CYTH3: variants seen among roughly 807,000 people sequenced by gnomAD.
The protein encoded by CYTH3 is cytohesin-3.
CYTH3 carries 23 observed loss-of-function variants against 55.1 expected under a neutral mutation model. The ratio of observed to expected loss-of-function variants is 0.42; its 90% CI spans 0.30 to 0.59. CYTH3 has a LOEUF of 0.59. Among genes scored for constraint, CYTH3 ranks in the 20% least tolerant of loss-of-function variants. The pLI is 0.20. For synonymous variants in CYTH3, 249 were observed against 194.9 expected, an observed-to-expected ratio of 1.28 and a Z score of -2.31; for missense variants, 413 against 524.8, an observed-to-expected ratio of 0.79 and a Z score of 2.08.
chr7:6,181,712 C>G (rs1783507068), intron 4 of CYTH3, among the ~76,000 whole-genome samples: 1 of 152,144 alleles, frequency 6.6e-6, no homozygotes, highest in Non-Finnish European at 1.5e-5. Context: ...CCTCCACTTT[C>G]CATTCTCTCC....
chr7:6,271,124 T>A (rs1418083972), intron 1 of CYTH3, among the ~76,000 whole-genome samples: 2 of 151,550 alleles, frequency 1.3e-5, no homozygotes, highest in African/African-American at 4.9e-5. Context: ...TGTAGGAGGG[T>A]TCGCAACTGG....
chr7:6,268,324 C>T (rs1422895542), intron 1 of CYTH3, among the ~76,000 whole-genome samples: 3 of 152,126 alleles, frequency 2.0e-5, no homozygotes, highest in Admixed American at 6.5e-5. Flanking sequence ...CGCACCACCA[C>T]TCCCGGCTAA....
At chr7:6,272,344 G>T (rs1653467672) in intron 1 of CYTH3, 130 bp downstream of exon 1, 1 of 877,994 alleles carries the variant, frequency 1.1e-6, no homozygotes, top group South Asian at 4.7e-5. Flanking sequence ...GGCCTCCAGC[G>T]GACGCCGCTG....
chr7:6,187,597 A>G (rs969382923), intron 3 of CYTH3, 60 bp downstream of exon 3: 27 of 1,466,164 alleles, frequency 1.8e-5, no homozygotes, highest in Middle Eastern at 1.7e-4. Context: ...AAGTTTGACT[A>G]CAGGATGGAG....
At chr7:6,234,560 G>A (rs1484568877) in intron 1 of CYTH3, among the ~76,000 whole-genome samples, 1 of 152,184 alleles carries the variant, frequency 6.6e-6, no homozygotes, top group African/African-American at 2.4e-5. Flanking sequence ...TCAACACCAA[G>A]GCCTGGATGC....
At position 6,170,967 on chromosome 7, in the gene CYTH3, C is replaced by G. The variant is rs763037020; in HGVS notation, c.574G>C (p.Val192Leu). 1 of 1,613,888 alleles carries G rather than the reference C, an allele frequency of 6.2e-7. No homozygotes were observed. Among genetic ancestry groups the G allele is most frequent in the African/African-American group, 1.3e-5 (1 of 75,052 alleles). Reference sequence around the variant, plus strand: ...AGCATGATGATGGCGAATGACAGCACGTAGCACGTGTCTGCAACGAGTCCG... The same window carrying G: ...AGCATGATGATGGCGAATGACAGCAGGTAGCACGTGTCTGCAACGAGTCCG... ...GVFQSTDTCY[V>L]LSFAIIMLNT... is the part of the protein sequence containing the mutation. Residue 192 changes from valine to leucine, a missense_variant, in exon 8 of 13, where the codon GTG becomes CTG. Val to Leu is a conservative substitution (Grantham distance 32). This residue lies in a region of CYTH3 where 156 missense variants were observed against 233.1 expected (regional missense o/e 0.67). Transcript: ENST00000350796. The surrounding 1 kb of genome is among the most constrained non-coding windows in gnomAD (Gnocchi z 7.8).
chr7:6,173,230 C>T (rs569932812), intron 6 of CYTH3, among the ~76,000 whole-genome samples: 93 of 152,268 alleles, frequency 6.1e-4, no homozygotes, highest in African/African-American at 2.1e-3. Context: ...GTGTCCCAGA[C>T]ACCAAAATGG....
At chr7:6,268,736 C>T (rs1007422800) in intron 1 of CYTH3, among the ~76,000 whole-genome samples, 1 of 152,196 alleles carries the variant, frequency 6.6e-6, no homozygotes, top group Non-Finnish European at 1.5e-5. Flanking sequence ...TTTAAAGCTA[C>T]TGCCTAAAGC....
chr7:6,223,218 G>A (rs868634951), intron 1 of CYTH3, among the ~76,000 whole-genome samples: 1 of 149,054 alleles, frequency 6.7e-6, no homozygotes, highest in Non-Finnish European at 1.5e-5. Context: ...GGAGCGCCTC[G>A]GCCCGGCCGC....
intron 4 of CYTH3, 148 bp from the exon 5 acceptor site, chr7:6,178,089 T>C (rs1038202126): frequency 5.0e-6 from 3 of 599,468 alleles, no homozygotes; most frequent in Non-Finnish European, 8.9e-6. Flanking sequence ...ACAATCTGAT[T>C]TTCCCAAATC....
rs1469570628 is a variant in CYTH3, at chr7:6,165,827, C to T, written c.824-17G>A. On this transcript the variant is annotated splice_polypyrimidine_tract_variant and intron_variant, in intron 9 of 12. Transcript: ENST00000350796. ...CACGCCCTCCTAGAAGCAGAAGGGC[C>T]CCGTGAGTCTGCGCTCCGTGCACAG... 6.2e-7 allele frequency: 1 copy of T among 1,613,594 alleles called. No homozygotes were observed. The highest frequency in any genetic ancestry group is 8.5e-7 in the Non-Finnish European group (1 of 1,179,718).
At chr7:6,181,472 T>A (rs1468636352) in intron 4 of CYTH3, among the ~76,000 whole-genome samples, 2 of 152,224 alleles carry the variant, frequency 1.3e-5, no homozygotes, top group African/African-American at 4.8e-5. Context: ...TGATCCAGCA[T>A]CCCTGACAAG....
At chr7:6,268,130 G>A (rs1780551473) in intron 1 of CYTH3, among the ~76,000 whole-genome samples, 1 of 151,958 alleles carries the variant, frequency 6.6e-6, no homozygotes, top group African/African-American at 2.4e-5. Flanking sequence ...ACAAGAATGG[G>A]AGCACGCAAT....
At chr7:6,180,358 G>A (rs1783475889) in intron 4 of CYTH3, among the ~76,000 whole-genome samples, 3 of 152,214 alleles carry the variant, frequency 2.0e-5, no homozygotes, top group African/African-American at 2.4e-5. Flanking sequence ...AAAGAGACAA[G>A]CAGAGGAGGA....
chr7:6,236,540 A>G (rs1216207875), intron 1 of CYTH3, among the ~76,000 whole-genome samples: 1 of 146,288 alleles, frequency 6.8e-6, no homozygotes, highest in Non-Finnish European at 1.5e-5. Context: ...GATTAAGTCC[A>G]CCACCCCTCT....
chr7:6,241,809 T>A (rs1779679339), intron 1 of CYTH3, among the ~76,000 whole-genome samples: 1 of 152,074 alleles, frequency 6.6e-6, no homozygotes, highest in Admixed American at 6.6e-5. Flanking sequence ...CTATCAGTTT[T>A]AAAAAAATAA....
chr7:6,202,384 A>T (rs1378936660), intron 1 of CYTH3, among the ~76,000 whole-genome samples: 5 of 152,004 alleles, frequency 3.3e-5, no homozygotes, highest in Admixed American at 3.3e-4. Context: ...ACGTGGGTGA[A>T]CCCAGACAAG....
At chr7:6,222,243 C>A (rs1404238081) in intron 1 of CYTH3, among the ~76,000 whole-genome samples, 2 of 152,140 alleles carry the variant, frequency 1.3e-5, no homozygotes, top group Non-Finnish European at 1.5e-5. Flanking sequence ...CAAGGGACAT[C>A]ACGGAAGGAA....
intron 1 of CYTH3, among the ~76,000 whole-genome samples, chr7:6,213,778 C>T (rs2128549775): frequency 6.6e-6 from 1 of 152,030 alleles, no homozygotes; most frequent in Middle Eastern, 3.4e-3. Context: ...AAGATTAACA[C>T]TGTTCCTTGG....
Sources: allele counts gnomAD v4.1 joint callset (sites outside exome capture counted in the v4.1 genomes callset), GRCh38; gene constraint gnomAD v4.1.1; regional missense constraint gnomAD v4.1.1; non-coding constraint Gnocchi (gnomAD v3.1); transcripts MANE v1.5; gene names NCBI Gene and HGNC (gene_info 2026-07-23, HGNC 2026-07-21).